Variants in SORCS3 observed in about 807,000 individuals in gnomAD.
The protein encoded by SORCS3 is VPS10 domain-containing receptor SorCS3.
In SORCS3, 57 loss-of-function variants were observed where a neutral mutation model predicts 146.3. The ratio of observed to expected loss-of-function variants is 0.39; its 90% CI spans 0.31 to 0.49. The LOEUF is 0.49. SORCS3 is among the 20% of genes least tolerant of loss of function. The pLI, the probability that SORCS3 is intolerant of heterozygous loss-of-function variation, is 0.92. For missense variants in SORCS3, 1,341 were observed against 1,575.5 expected (o/e 0.85, Z 2.52); for synonymous variants, 653 against 618.5 (o/e 1.06, Z -0.83).
intron 7 of SORCS3, among the ~76,000 whole-genome samples, chr10:105,107,835 G>C (rs187514409): frequency 5.5e-4 from 83 of 152,264 alleles, no homozygotes; most frequent in Non-Finnish European, 5.9e-4. Context: ...ATATAATTTA[G>C]AGTCCAAAAC....
intron 7 of SORCS3, among the ~76,000 whole-genome samples, chr10:105,107,729 C>T (rs2055832865): frequency 1.3e-5 from 2 of 152,072 alleles, no homozygotes; most frequent in South Asian, 4.2e-4. Flanking sequence ...GCCTTAGTGG[C>T]ATTTAATTCT....
chr10:104,738,256 G>T (rs1227805478), intron 1 of SORCS3, among the ~76,000 whole-genome samples: 1 of 152,166 alleles, frequency 6.6e-6, no homozygotes, highest in East Asian at 1.9e-4. Context: ...CTCTTTTTTG[G>T]TTCCATATAA....
At chr10:105,007,925 G>A (rs1002359464) in intron 4 of SORCS3, among the ~76,000 whole-genome samples, 2 of 152,102 alleles carry the variant, frequency 1.3e-5, no homozygotes, top group East Asian at 3.9e-4. Context: ...GTCCCCTCTG[G>A]GCTGTATAAC....
Position 105,201,229 on chromosome 10 carries a change from T to C in SORCS3, c.2237T>C (p.Val746Ala). Residue 746 changes from valine (V) to alanine (A), a missense_variant, in exon 16 of 27, where the codon GTC becomes GCC. Physicochemically the swap from Val to Ala is moderately conservative, Grantham distance 64. Transcript: ENST00000369701. ...GGATCAGTGGTCTCAGAACCCTGTG[T>C]CTGTGCCAATTGGGACTTCGAGTGG... ...HSGSVVSEPC[V>A]CANWDFECDY... 2 of 1,610,372 alleles carry C rather than the reference T, an allele frequency of 1.2e-6. No individual in the cohort carries two copies. Among genetic ancestry groups the C allele is most frequent in the Non-Finnish European group, 1.7e-6 (2 of 1,178,484 alleles).
intron 6 of SORCS3, among the ~76,000 whole-genome samples, chr10:105,103,314 C>T (rs17118352): frequency 0.12 from 17,615 of 152,136 alleles, 1,118 homozygotes; most frequent in East Asian, 0.17. Flanking sequence ...GCCCCTTAAG[C>T]GTTTGAGTTT....
Position 104,885,274 on chromosome 10 carries a change from C to T in SORCS3, c.696-30559C>T, listed in dbSNP as rs75136159. ...GACATTTTGGAATCATAAGCCATGC[C>T]CTTTTCAGGATCTTAACAACAAAGA... On this transcript the variant is annotated intron_variant, in intron 2 of 26. Transcript: ENST00000369701. 3.4e-3 allele frequency among the ~76,000 whole-genome samples: 511 copies of T among 152,162 alleles called. 8 individuals are homozygous for T. The highest frequency in any genetic ancestry group is 0.021 in the Admixed American group (318 of 15,274).
chr10:105,049,498 A>C (rs1589609272), intron 5 of SORCS3, among the ~76,000 whole-genome samples: 2 of 152,102 alleles, frequency 1.3e-5, no homozygotes, highest in African/African-American at 4.8e-5. Context: ...AATTAAATGT[A>C]ATATCCCTTA....
intron 5 of SORCS3, among the ~76,000 whole-genome samples, chr10:105,072,703 A>G (rs1462700335): frequency 8.2e-6 from 1 of 122,456 alleles, no homozygotes; most frequent in Admixed American, 1.1e-4. Context: ...GAGGAGGTAG[A>G]TTAAATAGCC....
Position 104,951,318 on chromosome 10 carries a change from G to A in SORCS3, c.796-26017G>A, listed in dbSNP as rs150287975. Among the ~76,000 whole-genome samples the A allele has an allele frequency of 6.9e-3, 1,055 of 152,020 alleles. 10 individuals carry two copies. Among genetic ancestry groups the A allele is most frequent in the African/African-American group, 0.024 (1,012 of 41,484 alleles). ...CACTGCCTTGCTTGGTATAAGACTT[G>A]ATTTTTTAAAATTTATTTTTATTTT... On this transcript the variant is annotated intron_variant, in intron 3 of 26. Coordinates refer to ENST00000369701, the MANE Select transcript of SORCS3 (RefSeq NM_014978.3).
Position 105,263,348 on chromosome 10 carries a change from G to T in SORCS3, c.3643G>T (p.Glu1215Ter), listed in dbSNP as rs1326196935. ...ATIANSESTK[E>*]IPNCTSV ...TATTGCAAACAGCGAAAGCACAAAG[G>T]AGATCCCCAACTGCACTAGTGTTTA... The change falls in exon 27 of 27, where the codon GAG (glutamate) becomes TAG (stop). Residue 1215 changes from glutamate to a stop codon, truncating the protein, a stop_gained. Coordinates refer to ENST00000369701, the MANE Select transcript of SORCS3 (RefSeq NM_014978.3). LOFTEE classifies it high-confidence loss of function. 1 of 1,613,940 alleles carries T rather than the reference G, an allele frequency of 6.2e-7. No individual in the cohort carries two copies. The highest frequency in any genetic ancestry group is 8.5e-7 in the Non-Finnish European group (1 of 1,179,958).
chr10:104,872,566 A>AT (rs35376112), intron 2 of SORCS3, among the ~76,000 whole-genome samples: 3,548 of 142,826 alleles, frequency 0.025, 158 homozygotes, highest in African/African-American at 0.079. Flanking sequence ...CCTCATTTTG[A>AT]TTTTTTTTTT....
chr10:105,183,861 T>G (rs1309260755), intron 14 of SORCS3, among the ~76,000 whole-genome samples: 1 of 152,162 alleles, frequency 6.6e-6, no homozygotes, highest in Non-Finnish European at 1.5e-5. Context: ...TGGATTGCTG[T>G]GTGGGCTCAG....
At chr10:104,682,147 G>A (rs564831612) in intron 1 of SORCS3, among the ~76,000 whole-genome samples, 95 of 152,298 alleles carry the variant, frequency 6.2e-4, no homozygotes, top group African/African-American at 2.0e-3. Context: ...TTGTGATTGT[G>A]TGCTTTCTGG....
rs189313450 is a variant in SORCS3, at chr10:104,958,786, G to T, written c.796-18549G>T. Among the ~76,000 whole-genome samples the T allele has an allele frequency of 3.3e-5, 5 of 152,250 alleles. No individual in the cohort carries two copies. The East Asian group carries it at 9.6e-4, about 29-fold the overall frequency. ...ACTCACAGTTCCACATGGCTGAGGA[G>T]GCTTCAGGGAACTTACAATGATGGT... On this transcript the variant is annotated intron_variant, in intron 3 of 26. Transcript: ENST00000369701.
chr10:105,053,437 A>AT (rs573410540), intron 5 of SORCS3, among the ~76,000 whole-genome samples: 101 of 149,084 alleles, frequency 6.8e-4, no homozygotes, highest in Middle Eastern at 3.5e-3. Context: ...CACACTAGCC[A>AT]TTTTTTTTTT....
chr10:105,062,284 G>A (rs920486873), intron 5 of SORCS3, among the ~76,000 whole-genome samples: 3 of 152,150 alleles, frequency 2.0e-5, no homozygotes, highest in East Asian at 1.9e-4. Flanking sequence ...GGGGTTGGCC[G>A]CAGACTGTGT....
chr10:105,029,556 T>C (rs1368096855), intron 4 of SORCS3, among the ~76,000 whole-genome samples: 2 of 152,242 alleles, frequency 1.3e-5, no homozygotes, highest in Non-Finnish European at 2.9e-5. Context: ...TCTTTCAGCA[T>C]TGGCAGTTAG....
At chr10:104,755,746 GA>G (rs761264535) in intron 1 of SORCS3, among the ~76,000 whole-genome samples, 2 of 152,164 alleles carry the variant, frequency 1.3e-5, no homozygotes, top group African/African-American at 2.4e-5. Flanking sequence ...TCATGTTTGT[GA>G]GGCAGAAGAG....
At chr10:104,940,705 C>T (rs943647316) in intron 3 of SORCS3, among the ~76,000 whole-genome samples, 16 of 151,994 alleles carry the variant, frequency 1.1e-4, no homozygotes, top group Admixed American at 2.0e-4. Flanking sequence ...AGTAAACATA[C>T]GTGTGCATGT....
Sources: gnomAD v4.1 joint callset for allele counts (sites outside exome capture counted in the v4.1 genomes callset) on GRCh38, gnomAD v4.1.1 for gene constraint, MANE v1.5 for transcripts, NCBI Gene and HGNC (gene_info 2026-07-23, HGNC 2026-07-21) for gene names.